Variants in SLC44A1 observed in about 807,000 individuals in gnomAD.
SLC44A1 encodes the protein solute carrier family 44 member 1, also known as choline transporter-like protein 1.
In SLC44A1, 26 loss-of-function variants were observed where a neutral mutation model predicts 79.3. The observed-to-expected ratio is 0.33, with a 90% CI of 0.24 to 0.46. The LOEUF (loss-of-function observed/expected upper bound fraction) is 0.46. SLC44A1 is among the 20% of genes least tolerant of loss of function. The pLI, the probability that SLC44A1 is intolerant of heterozygous loss-of-function variation, is 1.00. For synonymous variants in SLC44A1, 263 were observed against 286.2 expected (o/e 0.92, Z 0.82); for missense variants, 688 against 798.1 (o/e 0.86, Z 1.66).
At chr9:105,351,363 G>A (rs1427020284) in intron 5 of SLC44A1, among the ~76,000 whole-genome samples, 1 of 151,884 alleles carries the variant, frequency 6.6e-6, no homozygotes, top group Non-Finnish European at 1.5e-5. Context: ...GTGGAACCTC[G>A]TCTCTACCAA....
chr9:105,272,552 GAAA>G (rs34772081), intron 1 of SLC44A1, among the ~76,000 whole-genome samples: 1 of 134,858 alleles, frequency 7.4e-6, no homozygotes, highest in Non-Finnish European at 1.6e-5. Context: ...AAGGCTGAGA[GAAA>G]AAAAAAAAAG....
At chr9:105,406,419 A>C (rs1178085127) in intron 15 of SLC44A1, among the ~76,000 whole-genome samples, 1 of 152,194 alleles carries the variant, frequency 6.6e-6, no homozygotes, top group Non-Finnish European at 1.5e-5. Context: ...CAAAGAAATA[A>C]GAAAGTACAG....
At chr9:105,337,721 G>T (rs1438752996) in intron 4 of SLC44A1, among the ~76,000 whole-genome samples, 1 of 152,168 alleles carries the variant, frequency 6.6e-6, no homozygotes, top group Non-Finnish European at 1.5e-5. Flanking sequence ...GTGAGTCTTG[G>T]TCCCTTGAAC....
chr9:105,351,574 G>A (rs191903655), intron 5 of SLC44A1, among the ~76,000 whole-genome samples: 2,398 of 113,782 alleles, frequency 0.021, 147 homozygotes, highest in African/African-American at 0.081. Context: ...GAGAGAAAGA[G>A]AGAAAGAGAG....
intron 1 of SLC44A1, among the ~76,000 whole-genome samples, chr9:105,273,680 GT>G (rs553039659): frequency 0.043 from 6,269 of 147,274 alleles, 440 homozygotes; most frequent in African/African-American, 0.15. Flanking sequence ...TATTGTCTGA[GT>G]TTTTTTTTTT....
rs562041091 is a variant in SLC44A1 at position 105,390,268 on chromosome 9, T to G, written c.*1212T>G. 2 of 1,035,454 alleles carry G rather than the reference T, an allele frequency of 1.9e-6. No individual in the cohort carries two copies. Among genetic ancestry groups the G allele is most frequent in the African/African-American group, 1.7e-5 (1 of 59,656 alleles). The allele number at this position is 1,035,454 out of a possible 1,614,324, so 64.1% of individuals were successfully genotyped here. A position where few individuals can be genotyped will look rare whatever the true frequency, so the allele number is the denominator to read the frequency against. On this transcript the variant is annotated 3_prime_UTR_variant, in exon 16 of 16. Transcript: ENST00000374720. ...TTCTGCTTGTTGTAATGGTGAATGC[T>G]TTAAGAAAAAAAAGTGTAATTTGCT...
intron 3 of SLC44A1, among the ~76,000 whole-genome samples, chr9:105,310,989 T>G (rs1831165721): frequency 6.6e-6 from 1 of 152,162 alleles, no homozygotes. Flanking sequence ...TTTCCCAAAG[T>G]CACATGTCTG....
intron 1 of SLC44A1, among the ~76,000 whole-genome samples, chr9:105,250,967 C>A (rs1829570610): frequency 6.6e-6 from 1 of 152,092 alleles, no homozygotes; most frequent in African/African-American, 2.4e-5. Flanking sequence ...TAAAAGTTCC[C>A]CTGGTAGCCC....
At chr9:105,252,350 A>C (rs1459590409) in intron 1 of SLC44A1, among the ~76,000 whole-genome samples, 3 of 152,206 alleles carry the variant, frequency 2.0e-5, no homozygotes, top group Admixed American at 1.3e-4. Context: ...GGTACTCATG[A>C]AATATTTGAA....
At chr9:105,304,241 G>A (rs546130678) in intron 2 of SLC44A1, among the ~76,000 whole-genome samples, 16 of 152,050 alleles carry the variant, frequency 1.1e-4, no homozygotes, top group South Asian at 2.1e-4. Context: ...ATTGTTGAGC[G>A]TGCAGAACAG....
chr9:105,425,614 G>A (rs1829312061), intron 15 of SLC44A1, among the ~76,000 whole-genome samples: 1 of 152,172 alleles, frequency 6.6e-6, no homozygotes, highest in Admixed American at 6.5e-5. Context: ...CCTGAGGTCA[G>A]GAGTTCGAAA....
chr9:105,376,094 T>C (rs12345601), intron 13 of SLC44A1, among the ~76,000 whole-genome samples: 2 of 152,114 alleles, frequency 1.3e-5, no homozygotes, highest in African/African-American at 4.8e-5. Context: ...ATTGAACCCT[T>C]AGGTTGCTCT....
At chr9:105,367,004 G>A (rs1251591164) in intron 12 of SLC44A1, among the ~76,000 whole-genome samples, 1 of 151,758 alleles carries the variant, frequency 6.6e-6, no homozygotes, top group Non-Finnish European at 1.5e-5. Context: ...ATCAAAGGAA[G>A]TACTACTTAA....
intron 3 of SLC44A1, among the ~76,000 whole-genome samples, chr9:105,326,825 C>A (rs781552965): frequency 6.6e-6 from 1 of 152,150 alleles, no homozygotes; most frequent in Non-Finnish European, 1.5e-5. Flanking sequence ...AAATCACTGT[C>A]GCCTGTCCAG....
rs1452232769 is a variant in SLC44A1 at position 105,383,205 on chromosome 9, T to C, written c.1715T>C (p.Leu572Pro). ...GACTACACAGTATGGGTGCTGCCTC[T>C]GATCATCGTCTGCCTCTTTGCTTTC... ...QQDYTVWVLP[L>P]IIVCLFAFLV... Residue 572 changes from leucine (L) to proline (P), a missense_variant, in exon 14 of 16, where the codon CTG becomes CCG. By Grantham distance (98) the Leu-to-Pro change is moderately conservative. Transcript: ENST00000374720. 3 of 1,614,070 alleles carry C rather than the reference T, an allele frequency of 1.9e-6. No homozygotes were observed. In the Admixed American group the frequency reaches 5.0e-5, roughly 27 times the overall value.
At chr9:105,361,056 T>C in intron 7 of SLC44A1, 135 bp from the exon 8 acceptor site, 1 of 830,146 alleles carries the variant, frequency 1.2e-6, no homozygotes, top group Non-Finnish European at 2.0e-6. Flanking sequence ...TATAGCTATG[T>C]ACTTCCCAGC....
In SLC44A1 at chr9:105,364,553, A is replaced by G; in HGVS notation, c.1088-2A>G. ...TTCTTTCCTTCCTTGATATTTTCCT[A>G]GGCAGTCCTGTTCAGAATGAGCAAG... On this transcript the variant is annotated splice_acceptor_variant, in intron 9 of 15. Transcript: ENST00000374720. LOFTEE classifies it high-confidence loss of function. 6.2e-7 allele frequency: 1 copy of G among 1,608,158 alleles called. No homozygotes were observed. The highest frequency in any genetic ancestry group is 8.5e-7 in the Non-Finnish European group (1 of 1,178,184).
chr9:105,280,451 T>A (rs1588728140), intron 1 of SLC44A1, among the ~76,000 whole-genome samples: 1 of 152,230 alleles, frequency 6.6e-6, no homozygotes. Context: ...ATTTTGTTGT[T>A]GACCAAAAGT....
chr9:105,359,941 C>A (rs771924474), intron 7 of SLC44A1, among the ~76,000 whole-genome samples: 2 of 152,138 alleles, frequency 1.3e-5, no homozygotes, highest in African/African-American at 4.8e-5. Flanking sequence ...TGATGTACAT[C>A]GACTTTGCTT....
Sources: gnomAD v4.1 joint callset for allele counts (sites outside exome capture counted in the v4.1 genomes callset) on GRCh38, gnomAD v4.1.1 for gene constraint, MANE v1.5 for transcripts, NCBI Gene and HGNC (gene_info 2026-07-23, HGNC 2026-07-21) for gene names.